UNC5D: variants seen among roughly 807,000 people sequenced by gnomAD.
UNC5D encodes the protein unc-5 netrin receptor D.
A neutral mutation model predicts 105.4 loss-of-function variants in UNC5D; 39 were observed. That is an observed-to-expected ratio of 0.37 (90% CI 0.29 to 0.48). The LOEUF is 0.48. Ranked by LOEUF, UNC5D falls within the 20% of genes least tolerant of loss-of-function variation. The pLI is 0.98. For missense variants in UNC5D, 991 were observed against 1,202.4 expected, an observed-to-expected ratio of 0.82 and a Z score of 2.60; for synonymous variants, 452 against 450.4, an observed-to-expected ratio of 1.00 and a Z score of -0.04.
intron 1 of UNC5D, among the ~76,000 whole-genome samples, chr8:35,449,719 G>T (rs1043214265): frequency 3.9e-5 from 6 of 152,072 alleles, no homozygotes; most frequent in East Asian, 1.9e-4. Flanking sequence ...TGAGATCATC[G>T]TACTCTTTCC....
At chr8:35,328,614 G>A (rs1176511033) in intron 1 of UNC5D, among the ~76,000 whole-genome samples, 1 of 152,034 alleles carries the variant, frequency 6.6e-6, no homozygotes, top group Non-Finnish European at 1.5e-5. Context: ...GTTGGTATTG[G>A]GTCTCCTGAG....
chr8:35,330,967 T>C (rs1810582192), intron 1 of UNC5D, among the ~76,000 whole-genome samples: 1 of 152,204 alleles, frequency 6.6e-6, no homozygotes, highest in Non-Finnish European at 1.5e-5. Flanking sequence ...TCCTTTCTTT[T>C]AAGTGCTTCC....
chr8:35,454,749 C>T (rs1808375076), intron 1 of UNC5D, among the ~76,000 whole-genome samples: 1 of 152,018 alleles, frequency 6.6e-6, no homozygotes, highest in South Asian at 2.1e-4. Context: ...TTTAAAACAC[C>T]AATGAAATTT....
At chr8:35,549,598 C>G in intron 2 of UNC5D, 88 bp downstream of exon 2, 1 of 1,279,398 alleles carries the variant, frequency 7.8e-7, no homozygotes, top group Non-Finnish European at 1.1e-6. Context: ...GAAATCACCC[C>G]CCATTGCCTT....
At chr8:35,393,019 A>T (rs775632650) in intron 1 of UNC5D, among the ~76,000 whole-genome samples, 124 of 152,112 alleles carry the variant, frequency 8.2e-4, no homozygotes, top group Non-Finnish European at 1.4e-3. Flanking sequence ...TGATTTTAGG[A>T]AACCACTATT....
At chr8:35,513,843 C>G (rs1373084950) in intron 1 of UNC5D, among the ~76,000 whole-genome samples, 1 of 152,148 alleles carries the variant, frequency 6.6e-6, no homozygotes, top group Non-Finnish European at 1.5e-5. Flanking sequence ...TTTTAAAATC[C>G]ATGAAAAGTT....
intron 1 of UNC5D, among the ~76,000 whole-genome samples, chr8:35,504,182 C>T (rs992709091): frequency 6.6e-6 from 1 of 152,148 alleles, no homozygotes; most frequent in Non-Finnish European, 1.5e-5. Flanking sequence ...CCATTGATGA[C>T]TTCTCACTTA....
At chr8:35,256,719 GTCC>G (rs1247903699) in intron 1 of UNC5D, 1 of 152,048 alleles carries the variant, frequency 6.6e-6, no homozygotes, top group Non-Finnish European at 1.5e-5. Context: ...CATATGTGCT[GTCC>G]TGGTATCATA....
At chr8:35,594,971 C>T (rs775875587) in intron 3 of UNC5D, among the ~76,000 whole-genome samples, 31 of 152,232 alleles carry the variant, frequency 2.0e-4, no homozygotes, top group Admixed American at 5.2e-4. Flanking sequence ...GACTGGAGGG[C>T]GTTGTGTTTT....
rs117937353 is a variant in UNC5D, at chr8:35,618,633, A to G, written c.570+22976A>G. Among the ~76,000 whole-genome samples, 148 of 152,258 alleles carry G rather than the reference A, an allele frequency of 9.7e-4. 2 individuals carry two copies. The East Asian group carries it at 0.024, about 24-fold the overall frequency. On this transcript the variant is annotated intron_variant, in intron 4 of 16. Transcript: ENST00000404895. ...CCACATGCCAGGCTTTCTCCTAGGT[A>G]TTTAACTATGTGATTCTGTTGTATT...
intron 1 of UNC5D, among the ~76,000 whole-genome samples, chr8:35,481,916 C>A (rs1268756780): frequency 6.6e-6 from 1 of 152,046 alleles, no homozygotes; most frequent in Non-Finnish European, 1.5e-5. Context: ...TCACTAACAG[C>A]CTGATGATTT....
In UNC5D at chr8:35,603,062, C is replaced by T. The variant is rs1165862615; in HGVS notation, c.570+7405C>T. Among the ~76,000 whole-genome samples the T allele has an allele frequency of 2.6e-5, 4 of 152,082 alleles. No homozygotes were observed. The East Asian group carries it at 5.8e-4, about 22-fold the overall frequency. On this transcript the variant is annotated intron_variant, in intron 4 of 16. Transcript: ENST00000404895. ...CTATTTCCTTCAGTTCTGCTCTGAT[C>T]TTAGTTATTTCTTGCCTTCTGTTAG... is the stretch of plus-strand genomic sequence containing the variant.
chr8:35,706,006 G>T (rs1391409883), intron 8 of UNC5D, 45 bp downstream of exon 8: 1 of 1,219,380 alleles, frequency 8.2e-7, no homozygotes, highest in South Asian at 1.3e-5. Context: ...TCTCATATTT[G>T]CTGCCTTGCT....
intron 1 of UNC5D, among the ~76,000 whole-genome samples, chr8:35,339,260 T>A (rs929943347): frequency 6.6e-6 from 1 of 152,156 alleles, no homozygotes; most frequent in Non-Finnish European, 1.5e-5. Flanking sequence ...AAGAAAACAT[T>A]TATTTTCCCC....
chr8:35,296,641 G>T (rs551534146), intron 1 of UNC5D, among the ~76,000 whole-genome samples: 1 of 152,220 alleles, frequency 6.6e-6, no homozygotes, highest in African/African-American at 2.4e-5. Flanking sequence ...GGCTGGTCTC[G>T]AACTCCTGAC....
At chr8:35,277,188 A>C (rs1805833385) in intron 1 of UNC5D, among the ~76,000 whole-genome samples, 1 of 152,098 alleles carries the variant, frequency 6.6e-6, no homozygotes, top group South Asian at 2.1e-4. Context: ...TCTGCATCTC[A>C]TTATTGGGAC....
intron 4 of UNC5D, among the ~76,000 whole-genome samples, chr8:35,611,010 CAAA>C (rs11314770): frequency 1.2e-4 from 7 of 60,086 alleles, no homozygotes; most frequent in East Asian, 4.9e-4. Context: ...GACAAAGAAG[CAAA>C]AAAAAAAAAA....
chr8:35,302,512 G>C (rs1808034804), intron 1 of UNC5D, among the ~76,000 whole-genome samples: 1 of 152,144 alleles, frequency 6.6e-6, no homozygotes, highest in Admixed American at 6.5e-5. Context: ...TTCCTTCTGT[G>C]ACCAGCTGTA....
intron 8 of UNC5D, among the ~76,000 whole-genome samples, chr8:35,720,839 G>GTT (rs34361312): frequency 1.2e-4 from 17 of 143,906 alleles, no homozygotes; most frequent in South Asian, 1.1e-3. Flanking sequence ...TTCAGATGCT[G>GTT]TTTTTTTTTT....
Sources: allele counts gnomAD v4.1 joint callset (sites outside exome capture counted in the v4.1 genomes callset), GRCh38; gene constraint gnomAD v4.1.1; transcripts MANE v1.5; gene names NCBI Gene and HGNC (gene_info 2026-07-23, HGNC 2026-07-21).